CCDC200: variants seen among roughly 807,000 people sequenced by gnomAD.
CCDC200 encodes the protein coiled-coil domain containing 200, also known as coiled-coil domain-containing protein 200.
intron 3 of CCDC200, 76 bp downstream of exon 3, chr17:43,223,476 ACACT>A (rs1286478150): frequency 6.6e-6 from 1 of 150,440 alleles, no homozygotes; most frequent in Non-Finnish European, 1.5e-5. Context: ...ACACACACAC[ACACT>A]CACACTCTCT....
chr17:43,225,140 C>T (rs796304701), intron 1 of CCDC200, among the ~76,000 whole-genome samples: 2 of 152,128 alleles, frequency 1.3e-5, no homozygotes, highest in African/African-American at 4.8e-5. Flanking sequence ...CTCAAGCGAT[C>T]CTTCCACCTC....
At chr17:43,223,218 T>G (rs894665068) in intron 3 of CCDC200, among the ~76,000 whole-genome samples, 7 of 118,026 alleles carry the variant, frequency 5.9e-5, no homozygotes, top group Non-Finnish European at 1.0e-4. Context: ...ACACTTGGCT[T>G]TTTTTCAATT....
At chr17:43,225,546 C>A (rs1328889558) in intron 1 of CCDC200, among the ~76,000 whole-genome samples, 1 of 144,808 alleles carries the variant, frequency 6.9e-6, no homozygotes, top group Admixed American at 7.1e-5. Context: ...ACCTGTAATC[C>A]CAGCTACTCA....
At position 43,225,693 on chromosome 17, in the gene CCDC200, T is replaced by TATATATATATAAAA. The variant is rs1282739067; in HGVS notation, c.106-1145_106-1144insTTTTATATATATAT. On this transcript the variant is annotated intron_variant, in intron 1 of 3. Transcript: ENST00000636331. ...AAAAAAAAAAAAGTATATATATATA[T>TATATATATATAAAA]TGCATGCTACATGTGTAATTTTAAA... Among the ~76,000 whole-genome samples, 26 of 28,972 alleles carry TATATATATATAAAA rather than the reference T, an allele frequency of 9.0e-4. 10 individuals are homozygous for TATATATATATAAAA. In the South Asian group the frequency reaches 0.011, roughly 12 times the overall value. The allele number at this position is 28,972 out of a possible 152,430, so 19.0% of individuals were successfully genotyped here. A position where few individuals can be genotyped will look rare whatever the true frequency, so the allele number is the denominator to read the frequency against.
intron 1 of CCDC200, among the ~76,000 whole-genome samples, chr17:43,227,254 C>T (rs1470232051): frequency 6.6e-6 from 1 of 151,664 alleles, no homozygotes; most frequent in Non-Finnish European, 1.5e-5. Flanking sequence ...GCTGGGATTA[C>T]AGGTGTGAGC....
At chr17:43,224,871 T>C (rs2057556310) in intron 1 of CCDC200, 1 of 152,138 alleles carries the variant, frequency 6.6e-6, no homozygotes, top group South Asian at 2.1e-4. Context: ...ATGTCTTGTG[T>C]TTTGTTTTTT....
intron 1 of CCDC200, among the ~76,000 whole-genome samples, chr17:43,226,834 C>A (rs1299208876): frequency 6.6e-6 from 1 of 152,072 alleles, no homozygotes; most frequent in Admixed American, 6.6e-5. Context: ...AATTTGGACA[C>A]TAAATTTTCA....
chr17:43,226,941 G>A (rs141653727), intron 1 of CCDC200, among the ~76,000 whole-genome samples: 1,650 of 152,164 alleles, frequency 0.011, 16 homozygotes, highest in Non-Finnish European at 0.015. Context: ...AATTTTTCCA[G>A]TATGTATGTT....
intron 3 of CCDC200, 32 bp from the exon 4 acceptor site, chr17:43,221,629 A>G (rs1487647810): frequency 6.6e-6 from 1 of 152,648 alleles, no homozygotes; most frequent in Non-Finnish European, 1.5e-5. Context: ...AAACAAAACA[A>G]GTTAGCAGCT....
intron 1 of CCDC200, among the ~76,000 whole-genome samples, chr17:43,227,406 G>C (rs1231808668): frequency 2.0e-5 from 3 of 152,084 alleles, no homozygotes; most frequent in African/African-American, 7.2e-5. Flanking sequence ...TGGGAGGATT[G>C]CTTGAGTCCA....
At chr17:43,227,632 A>G (rs2057578770) in intron 1 of CCDC200, among the ~76,000 whole-genome samples, 1 of 151,572 alleles carries the variant, frequency 6.6e-6, no homozygotes, top group African/African-American at 2.4e-5. Flanking sequence ...ATTCCAGGCA[A>G]GCGCCACCAT....
intron 3 of CCDC200, among the ~76,000 whole-genome samples, chr17:43,223,018 C>T (rs1047875040): frequency 9.2e-5 from 14 of 151,872 alleles, no homozygotes; most frequent in African/African-American, 3.4e-4. Flanking sequence ...CTGCCTGCCT[C>T]AGCCCCTCAA....
At chr17:43,230,979 CA>C (rs1359819265), upstream of CCDC200, among the ~76,000 whole-genome samples, 19,090 of 31,018 alleles carry the variant, frequency 0.62, 7,004 homozygotes, top group East Asian at 0.93. Flanking sequence ...GACTCCGTCT[CA>C]AAAAAAAAAA....
At chr17:43,223,459 T>TAC (rs68102743) in intron 3 of CCDC200, 97 bp downstream of exon 3, 78,332 of 136,370 alleles carry the variant, frequency 0.57, 23,413 homozygotes, top group Non-Finnish European at 0.68. Flanking sequence ...TTCTCTGGAC[T>TAC]ACACACACAC....
At chr17:43,227,170 G>T (rs77526796) in intron 1 of CCDC200, among the ~76,000 whole-genome samples, 2 of 151,740 alleles carry the variant, frequency 1.3e-5, no homozygotes, top group African/African-American at 4.8e-5. Flanking sequence ...GTAGAGATGG[G>T]GTTTCACCAT....
chr17:43,222,010 A>T (rs1270677566), intron 3 of CCDC200, among the ~76,000 whole-genome samples: 1 of 151,946 alleles, frequency 6.6e-6, no homozygotes, highest in Non-Finnish European at 1.5e-5. Context: ...CAGGAGAATC[A>T]TTTGAACCCG....
At chr17:43,225,693 T>TATATATATATAA (rs1282739067) in intron 1 of CCDC200, among the ~76,000 whole-genome samples, 1 of 28,912 alleles carries the variant, frequency 3.5e-5, no homozygotes, top group African/African-American at 4.7e-5. Flanking sequence ...TATATATATA[T>TATATATATATAA]TGCATGCTAC....
At chr17:43,223,057 G>A (rs1459138822) in intron 3 of CCDC200, among the ~76,000 whole-genome samples, 5 of 151,604 alleles carry the variant, frequency 3.3e-5, no homozygotes, top group Middle Eastern at 3.4e-3. Context: ...GTGAGCCACC[G>A]TGCCTGGCTA....
intron 1 of CCDC200, among the ~76,000 whole-genome samples, chr17:43,227,461 A>G (rs2057577569): frequency 6.6e-6 from 1 of 152,160 alleles, no homozygotes; most frequent in South Asian, 2.1e-4. Context: ...CCCTGTCTGT[A>G]TTACAATAAT....
Sources: gnomAD v4.1 joint callset for allele counts (sites outside exome capture counted in the v4.1 genomes callset) on GRCh38, gnomAD v4.1.1 for gene constraint, MANE v1.5 for transcripts, NCBI Gene and HGNC (gene_info 2026-07-23, HGNC 2026-07-21) for gene names.